ZNF827: variants seen among roughly 807,000 people sequenced by gnomAD.
The protein encoded by ZNF827 is zinc finger protein 827.
A neutral mutation model predicts 102.4 loss-of-function variants in ZNF827; 13 were observed. The observed-to-expected ratio is 0.13, with a 90% CI of 0.08 to 0.20. The LOEUF (loss-of-function observed/expected upper bound fraction) is 0.20, where lower values mean the gene tolerates loss of function less well. ZNF827 is among the 10% of genes least tolerant of loss of function. The pLI is 1.00. For synonymous variants in ZNF827, 523 were observed against 536.2 expected (o/e 0.98, Z 0.34); for missense variants, 1,103 against 1,344.4 (o/e 0.82, Z 2.81).
At chr4:145,912,271 A>G (rs1752348592) in intron 1 of ZNF827, among the ~76,000 whole-genome samples, 1 of 152,232 alleles carries the variant, frequency 6.6e-6, no homozygotes, top group Non-Finnish European at 1.5e-5. Flanking sequence ...GGAACTTTTC[A>G]GCAGTTTGTC....
chr4:145,836,101 T>C (rs1744806459), intron 7 of ZNF827, among the ~76,000 whole-genome samples: 1 of 152,062 alleles, frequency 6.6e-6, no homozygotes, highest in South Asian at 2.1e-4. Context: ...TTACCTAGGC[T>C]GTACTGCCGC....
In ZNF827 at chr4:145,775,969, G is replaced by A; in HGVS notation, c.2522-9C>T. The A allele has an allele frequency of 6.2e-7, 1 of 1,614,086 alleles. No individual in the cohort carries two copies. Among genetic ancestry groups the A allele is most frequent in the Non-Finnish European group, 8.5e-7 (1 of 1,180,004 alleles). On this transcript the variant is annotated splice_polypyrimidine_tract_variant and intron_variant, in intron 9 of 14. Coordinates refer to ENST00000508784, the MANE Select transcript of ZNF827 (RefSeq NM_001306215.2). ...TTTGTATTTTCTTTCCTCTGGGGGA[G>A]AAGGAACAGGAAAAAGCCCAAATCG...
At chr4:145,934,987 T>C (rs1178396852) in intron 1 of ZNF827, among the ~76,000 whole-genome samples, 1 of 152,232 alleles carries the variant, frequency 6.6e-6, no homozygotes, top group Non-Finnish European at 1.5e-5. Flanking sequence ...TATTAACCTC[T>C]TTTGTATTTA....
chr4:145,889,466 C>T (rs1235839477), intron 3 of ZNF827, among the ~76,000 whole-genome samples: 2 of 151,932 alleles, frequency 1.3e-5, no homozygotes, highest in Admixed American at 6.5e-5. Flanking sequence ...TTCAAAGTCT[C>T]ACAGTTCCTA....
At chr4:145,884,823 C>T (rs1749968807) in intron 4 of ZNF827, among the ~76,000 whole-genome samples, 1 of 151,884 alleles carries the variant, frequency 6.6e-6, no homozygotes, top group Non-Finnish European at 1.5e-5. Flanking sequence ...ATCTTTTTTT[C>T]CCAAATGGAT....
intron 4 of ZNF827, among the ~76,000 whole-genome samples, chr4:145,884,089 T>G (rs1749905542): frequency 6.6e-6 from 1 of 152,108 alleles, no homozygotes; most frequent in African/African-American, 2.4e-5. Context: ...GAAGCCAGTG[T>G]TCTTTAGAGC....
At position 145,759,284 on chromosome 4, in the gene ZNF827, C is replaced by CT. The variant is rs1463040362; in HGVS notation, c.*2331dup. ...ACATATTCAGCCAAAGATTTTTTTC[C>CT]TTTTTTCTTTTTAAATCACCCATTA... On this transcript the variant is annotated 3_prime_UTR_variant, in exon 15 of 15. Coordinates refer to ENST00000508784, the MANE Select transcript of ZNF827 (RefSeq NM_001306215.2). The CT allele has an allele frequency of 6.6e-6, 1 of 151,882 alleles. No homozygotes were observed. The highest frequency in any genetic ancestry group is 1.5e-5 in the Non-Finnish European group (1 of 67,980). The allele number at this position is 151,882 out of a possible 1,614,324, so 9.4% of individuals were successfully genotyped here.
chr4:145,913,069 T>C (rs1007432612), intron 1 of ZNF827, among the ~76,000 whole-genome samples: 1 of 152,158 alleles, frequency 6.6e-6, no homozygotes, highest in African/African-American at 2.4e-5. Context: ...GGAAGGACTA[T>C]GAGTGGACTA....
At chr4:145,775,428 T>C (rs1005864139) in intron 10 of ZNF827, among the ~76,000 whole-genome samples, 3 of 140,880 alleles carry the variant, frequency 2.1e-5, no homozygotes, top group Non-Finnish European at 4.6e-5. Context: ...TTTCCTCAGC[T>C]TTTTTTTTTT....
intron 1 of ZNF827, among the ~76,000 whole-genome samples, chr4:145,911,940 A>G (rs1418218489): frequency 6.6e-6 from 1 of 152,234 alleles, no homozygotes; most frequent in Non-Finnish European, 1.5e-5. Flanking sequence ...CATCCTCACA[A>G]TAATTTTATA....
intron 8 of ZNF827, among the ~76,000 whole-genome samples, chr4:145,801,439 G>T (rs192601028): frequency 3.5e-4 from 53 of 152,244 alleles, no homozygotes; most frequent in African/African-American, 1.2e-3. Flanking sequence ...AATCTGTTTT[G>T]ACGGAAACCT....
chr4:145,846,748 C>T (rs1412834278), intron 6 of ZNF827, among the ~76,000 whole-genome samples: 1 of 137,328 alleles, frequency 7.3e-6, no homozygotes, highest in African/African-American at 2.8e-5. Flanking sequence ...ACCCGGGAGG[C>T]GGAGCTTGCA....
intron 8 of ZNF827, among the ~76,000 whole-genome samples, chr4:145,791,139 A>G (rs1018433184): frequency 6.6e-6 from 1 of 152,244 alleles, no homozygotes; most frequent in Non-Finnish European, 1.5e-5. Flanking sequence ...TATAAACCAC[A>G]GAAATGTTTT....
At position 145,760,941 on chromosome 4, in the gene ZNF827, T is replaced by C; in HGVS notation, c.*675A>G. The stretch of plus-strand genomic sequence containing the variant: ...TCAAGGGAATGAGATGGGCAAAATC[T>C]GAGTTCCGGTACTTGTCAAAGCGCA... On this transcript the variant is annotated 3_prime_UTR_variant, in exon 15 of 15. Coordinates refer to ENST00000508784, the MANE Select transcript of ZNF827 (RefSeq NM_001306215.2). 8.1e-7 allele frequency: 1 copy of C among 1,230,762 alleles called. No individual in the cohort carries two copies. Among genetic ancestry groups the C allele is most frequent in the Non-Finnish European group, 1.0e-6 (1 of 961,814 alleles). The allele number at this position is 1,230,762 out of a possible 1,614,324, so 76.2% of individuals were successfully genotyped here.
chr4:145,839,102 T>C (rs1373313092), intron 7 of ZNF827: 1 of 152,256 alleles, frequency 6.6e-6, no homozygotes, highest in Non-Finnish European at 1.5e-5. Context: ...GTATTTTTCA[T>C]GTTTAGTATT....
chr4:145,882,447 G>A (rs111400711), intron 4 of ZNF827, among the ~76,000 whole-genome samples: 74 of 152,260 alleles, frequency 4.9e-4, no homozygotes, highest in African/African-American at 1.7e-3. Flanking sequence ...TCAGTCAGAA[G>A]AATAGCTGAT....
rs1185997163 is a variant in ZNF827, at chr4:145,759,854, C to A, written c.*1762G>T. 1.3e-5 allele frequency: 2 copies of A among 152,092 alleles called. No individual in the cohort carries two copies. Among genetic ancestry groups the A allele is most frequent in the Non-Finnish European group, 2.9e-5 (2 of 68,010 alleles). 9.4% of individuals were successfully genotyped at this position (152,092 alleles called of 1,614,324 possible). On this transcript the variant is annotated 3_prime_UTR_variant, in exon 15 of 15. Transcript: ENST00000508784. ...CATAAATTTTTTCACCCATACATTT[C>A]TTTTTCCTGCAAACAAATGGTAACC...
At chr4:145,860,270 A>C (rs1747569822) in intron 5 of ZNF827, among the ~76,000 whole-genome samples, 1 of 152,056 alleles carries the variant, frequency 6.6e-6, no homozygotes, top group African/African-American at 2.4e-5. Flanking sequence ...TTTCCTCTTG[A>C]GGGGAGGGGC....
At position 145,886,071 on chromosome 4, in the gene ZNF827, T is replaced by C; in HGVS notation, c.1354A>G (p.Met452Val). The change falls in exon 4 of 15, where the codon ATG becomes GTG. Residue 452 changes from methionine (M) to valine (V), a missense_variant. Coordinates refer to ENST00000508784, the MANE Select transcript of ZNF827 (RefSeq NM_001306215.2). Reference sequence around the variant, plus strand: ...CTCAGGAAGTGCTGATGGCAACGCATGTGGAGTTTCAGGCTGAAGTGGCGT... The same window carrying C: ...CTCAGGAAGTGCTGATGGCAACGCACGTGGAGTTTCAGGCTGAAGTGGCGT... The part of the protein sequence containing the change: ...SSRHFSLKLH[M>V]RCHQHFLRTE... 1 of 1,614,132 alleles carries C rather than the reference T, an allele frequency of 6.2e-7. No homozygotes were observed.
Sources: allele counts gnomAD v4.1 joint callset (sites outside exome capture counted in the v4.1 genomes callset), GRCh38; gene constraint gnomAD v4.1.1; transcripts MANE v1.5; gene names NCBI Gene and HGNC (gene_info 2026-07-23, HGNC 2026-07-21).